RHBDD1: variants seen among roughly 807,000 people sequenced by gnomAD.
The protein encoded by RHBDD1 is rhomboid-related protein 4.
RHBDD1 carries 38 observed loss-of-function variants against 36.3 expected under a neutral mutation model. The ratio of observed to expected loss-of-function variants is 1.05; its 90% CI spans 0.81 to 1.37. The LOEUF (loss-of-function observed/expected upper bound fraction) is 1.37. RHBDD1 is among the 40% of genes most tolerant of loss of function. The pLI, the probability that RHBDD1 is intolerant of heterozygous loss-of-function variation, is 0.00. For synonymous variants in RHBDD1, 151 were observed against 136.5 expected (o/e 1.11, Z -0.74); for missense variants, 393 against 377.6 (o/e 1.04, Z -0.34).
intron 8 of RHBDD1, among the ~76,000 whole-genome samples, chr2:226,994,050 GC>G (rs1227632197): frequency 1.3e-5 from 2 of 152,194 alleles, no homozygotes; most frequent in African/African-American, 4.8e-5. Context: ...TGGGTCCAAG[GC>G]CATGTGTGCT....
upstream of RHBDD1, chr2:226,835,844 C>T (rs761785182): frequency 5.9e-5 from 9 of 152,572 alleles, no homozygotes; most frequent in Admixed American, 1.3e-4. Context: ...CCTTACTGCG[C>T]TCTGCCGCGG....
intron 8 of RHBDD1, among the ~76,000 whole-genome samples, chr2:226,982,603 A>C (rs1301342684): frequency 6.6e-6 from 1 of 152,210 alleles, no homozygotes; most frequent in Admixed American, 6.5e-5. Context: ...TGTGAATTTC[A>C]TAGACAAAAC....
intron 3 of RHBDD1, among the ~76,000 whole-genome samples, 161 bp from the exon 4 acceptor site, chr2:226,864,439 TGTCA>T (rs1443889110): frequency 3.9e-5 from 6 of 152,166 alleles, no homozygotes. Flanking sequence ...GAAGGAAGGG[TGTCA>T]GTCAGCATCC....
chr2:226,972,340 G>T (rs781160211), intron 8 of RHBDD1, among the ~76,000 whole-genome samples: 34 of 152,120 alleles, frequency 2.2e-4, no homozygotes, highest in Non-Finnish European at 4.3e-4. Context: ...GATGGAAAAA[G>T]CCCACTTCTT....
chr2:226,947,460 A>C (rs1951063587), intron 8 of RHBDD1, among the ~76,000 whole-genome samples: 1 of 151,836 alleles, frequency 6.6e-6, no homozygotes, highest in Non-Finnish European at 1.5e-5. Flanking sequence ...CCATTGATCT[A>C]TATCTCTGTT....
chr2:226,924,833 C>A (rs983909881), intron 8 of RHBDD1, among the ~76,000 whole-genome samples: 1 of 152,198 alleles, frequency 6.6e-6, no homozygotes, highest in South Asian at 2.1e-4. Flanking sequence ...TCTCCCTCCC[C>A]CAAGTACACA....
intron 3 of RHBDD1, among the ~76,000 whole-genome samples, chr2:226,842,070 T>A (rs1418071290): frequency 6.6e-6 from 1 of 152,226 alleles, no homozygotes; most frequent in Non-Finnish European, 1.5e-5. Flanking sequence ...TTTTTTCATA[T>A]GTTTCATGGC....
At chr2:226,850,367 G>A (rs555948888) in intron 3 of RHBDD1, among the ~76,000 whole-genome samples, 2 of 152,250 alleles carry the variant, frequency 1.3e-5, no homozygotes, top group African/African-American at 2.4e-5. Flanking sequence ...TAATTTCTGC[G>A]GTTTCAGAGA....
chr2:226,862,687 T>C (rs1559205611), intron 3 of RHBDD1, among the ~76,000 whole-genome samples: 1 of 152,214 alleles, frequency 6.6e-6, no homozygotes, highest in Non-Finnish European at 1.5e-5. Flanking sequence ...CCTCCCTGGC[T>C]TAGTCCGTTT....
chr2:226,857,992 G>A (rs1943499316), intron 3 of RHBDD1, among the ~76,000 whole-genome samples: 1 of 152,160 alleles, frequency 6.6e-6, no homozygotes, highest in Non-Finnish European at 1.5e-5. Context: ...TTATTGGAAT[G>A]CTAAGCTTGT....
At chr2:226,825,736 A>G in the RHBDD1 span, among the ~76,000 whole-genome samples, 7 of 152,232 alleles carry the variant, frequency 4.6e-5, no homozygotes, top group African/African-American at 1.7e-4. Flanking sequence ...TAATGTTCAG[A>G]AGCAGAAATA....
At chr2:226,973,648 G>A (rs1457237162) in intron 8 of RHBDD1, among the ~76,000 whole-genome samples, 2 of 152,202 alleles carry the variant, frequency 1.3e-5, no homozygotes, top group Non-Finnish European at 2.9e-5. Flanking sequence ...AGAGACAAAG[G>A]TAAGTTAGAT....
intron 8 of RHBDD1, among the ~76,000 whole-genome samples, chr2:226,922,824 A>G (rs974396971): frequency 6.6e-5 from 10 of 152,246 alleles, no homozygotes; most frequent in Admixed American, 3.9e-4. Flanking sequence ...CTTGAAATTA[A>G]TATGACCTTT....
Position 226,915,761 on chromosome 2 carries a change from G to A in RHBDD1, c.856+1410G>A, listed in dbSNP as rs560498688. On this transcript the variant is annotated intron_variant, in intron 8 of 8. Transcript: ENST00000392062. Reference sequence around the variant, plus strand: ...AAGCCTAAATTATGAAGGTGGAGAAGAAGGCATAAATCTGTATTTCTCAGG... The same window carrying A: ...AAGCCTAAATTATGAAGGTGGAGAAAAAGGCATAAATCTGTATTTCTCAGG... Among the ~76,000 whole-genome samples, 11 of 152,298 alleles carry A rather than the reference G, an allele frequency of 7.2e-5. No individual in the cohort carries two copies. In the East Asian group the frequency reaches 2.1e-3, roughly 29 times the overall value.
chr2:226,852,904 A>ATTT (rs1553543399), intron 3 of RHBDD1, among the ~76,000 whole-genome samples: 20 of 108,648 alleles, frequency 1.8e-4, no homozygotes, highest in African/African-American at 9.3e-4. Context: ...TGGCTAATTT[A>ATTT]TTATTATTAT....
At chr2:226,934,498 C>T (rs1201731616) in intron 8 of RHBDD1, among the ~76,000 whole-genome samples, 2 of 152,002 alleles carry the variant, frequency 1.3e-5, no homozygotes, top group African/African-American at 4.8e-5. Context: ...AACTTTTAAC[C>T]TCAGAATTTG....
At chr2:226,857,518 G>A (rs1943452006) in intron 3 of RHBDD1, among the ~76,000 whole-genome samples, 1 of 152,104 alleles carries the variant, frequency 6.6e-6, no homozygotes, top group South Asian at 2.1e-4. Context: ...GAGTCAAAAA[G>A]TGGAAACAAA....
chr2:226,857,203 T>C (rs1943416020), intron 3 of RHBDD1, among the ~76,000 whole-genome samples: 1 of 152,212 alleles, frequency 6.6e-6, no homozygotes, highest in Non-Finnish European at 1.5e-5. Context: ...AGCATTTTCA[T>C]AGTATCATGA....
At chr2:226,940,737 C>T (rs896553906) in intron 8 of RHBDD1, among the ~76,000 whole-genome samples, 1 of 152,098 alleles carries the variant, frequency 6.6e-6, no homozygotes, top group African/African-American at 2.4e-5. Context: ...ATATCTGACA[C>T]GTTGGTTTCA....
Sources: allele counts gnomAD v4.1 joint callset (sites outside exome capture counted in the v4.1 genomes callset), GRCh38; gene constraint gnomAD v4.1.1; transcripts MANE v1.5; gene names NCBI Gene and HGNC (gene_info 2026-07-23, HGNC 2026-07-21).